PRICKLE3: variants seen among roughly 807,000 people sequenced by gnomAD.
PRICKLE3 encodes prickle planar cell polarity protein 3.
A neutral mutation model predicts 33.8 loss-of-function variants in PRICKLE3; 17 were observed. The observed-to-expected ratio is 0.50, with a 90% confidence interval of 0.34 to 0.75. The LOEUF is 0.75. Among genes scored for constraint, PRICKLE3 ranks in the 30% least tolerant of loss-of-function variants. The pLI, the probability that PRICKLE3 is intolerant of heterozygous loss-of-function variation, is 0.01. For missense variants in PRICKLE3, 573 were observed against 576.7 expected (o/e 0.99, Z 0.07); for synonymous variants, 211 against 219.6 (o/e 0.96, Z 0.34).
At position 49,179,578 on chromosome X, in the gene PRICKLE3, C is replaced by T. The variant is rs781805669; in HGVS notation, c.426+115G>A. ...AAGGAATGTCCCCTGATGACCCCTG[C>T]CTGTCTGGACCACTCACCTCAGATC... On this transcript the variant is annotated intron_variant, in intron 4 of 8. Coordinates refer to ENST00000599218, the MANE Select transcript of PRICKLE3 (RefSeq NM_006150.5). 19 of 854,892 alleles carry T rather than the reference C, an allele frequency of 2.2e-5. No homozygotes were observed. In the South Asian group the frequency reaches 2.4e-4, roughly 11 times the overall value. The allele number at this position is 854,892 out of a possible 1,213,427, so 70.5% of individuals were successfully genotyped here. A position where few individuals can be genotyped will look rare whatever the true frequency, so the allele number is the denominator to read the frequency against.
intron 3 of PRICKLE3, among the ~76,000 whole-genome samples, chrX:49,180,097 C>T (rs1351696949): frequency 1.1e-5 from 1 of 93,600 alleles, no homozygotes; most frequent in Non-Finnish European, 2.1e-5. Context: ...TGGAGTGGCG[C>T]GATCTAGGCT....
chrX:49,183,942 A>G (rs1557101536), intron 2 of PRICKLE3, 25 bp from the exon 3 acceptor site: 3 of 1,193,679 alleles, frequency 2.5e-6, no homozygotes, highest in Admixed American at 2.2e-5. Flanking sequence ...ATGGGGGTCA[A>G]TTACTAAGGA....
chrX:49,184,742 G>A, intron 1 of PRICKLE3, 32 bp from the exon 2 acceptor site: 5 of 1,161,927 alleles, frequency 4.3e-6, no homozygotes, highest in Non-Finnish European at 5.8e-6. Context: ...GCAGGGCCGG[G>A]TGAGGCGCGG....
intron 1 of PRICKLE3, among the ~76,000 whole-genome samples, chrX:49,186,038 T>G (rs1203968297): frequency 9.1e-6 from 1 of 109,301 alleles, no homozygotes; most frequent in Non-Finnish European, 1.9e-5. Context: ...GGAGTGCTGA[T>G]GAAAGTGTGT....
At position 49,178,391 on chromosome X, in the gene PRICKLE3, C is replaced by A; in HGVS notation, c.649G>T (p.Val217Leu). 8.3e-7 allele frequency: 1 copy of A among 1,211,690 alleles called. No individual in the cohort carries two copies. ...AGCAGTTCCTGGCACGTGGTACACA[C>A]GAAGCACTGTGGGTGCCAGCAGGCA... ...LGACWHPQCF[V>L]CTTCQELLVD... The change falls in exon 6 of 9, where the codon GTG becomes TTG. Residue 217 changes from valine to leucine, a missense_variant. Coordinates refer to ENST00000599218, the MANE Select transcript of PRICKLE3 (RefSeq NM_006150.5).
intron 3 of PRICKLE3, among the ~76,000 whole-genome samples, chrX:49,181,855 G>C (rs1446636756): frequency 1.9e-5 from 2 of 106,570 alleles, no homozygotes; most frequent in African/African-American, 6.8e-5. Context: ...CTCCATGTTG[G>C]TCAGGCTGGT....
intron 2 of PRICKLE3, 59 bp from the exon 3 acceptor site, chrX:49,183,976 A>G: frequency 8.7e-7 from 1 of 1,153,353 alleles, no homozygotes; most frequent in South Asian, 2.0e-5. Flanking sequence ...ACCCCTCGGC[A>G]GCCCAGGTCC....
rs782635454 is a variant in PRICKLE3, at chrX:49,179,360, T to C, written c.455A>G (p.Glu152Gly). The change falls in exon 5 of 9, where the codon GAG (glutamate) becomes GGG (glycine). Residue 152 changes from glutamate (E) to glycine (G), a missense_variant. Transcript: ENST00000599218. The part of the protein sequence containing the change: ...EAQYCTALEE[E>G]EKKELRAFSQ... ...AAAGGCTCGGAGCTCTTTCTTTTCCTCCTCTTCCAGTGCTGTGCAGTACTG... is the reference window on the plus strand; with the variant it reads ...AAAGGCTCGGAGCTCTTTCTTTTCCCCCTCTTCCAGTGCTGTGCAGTACTG... The C allele has an allele frequency of 1.7e-6, 2 of 1,211,148 alleles. No individual in the cohort carries two copies. The highest frequency in any genetic ancestry group is 3.5e-5 in the South Asian group (2 of 56,843).
At chrX:49,184,774 C>T (rs2065475151) in intron 1 of PRICKLE3, 64 bp from the exon 2 acceptor site, 3 of 1,159,901 alleles carry the variant, frequency 2.6e-6, no homozygotes, top group East Asian at 3.3e-5. Context: ...GAGAAGTCAA[C>T]GCCCGCCCCT....
intron 1 of PRICKLE3, among the ~76,000 whole-genome samples, chrX:49,185,556 AG>A (rs1389389912): frequency 2.7e-5 from 3 of 110,995 alleles, no homozygotes; most frequent in Non-Finnish European, 5.7e-5. Context: ...CCAGGAGTGT[AG>A]GACTCCATCC....
intron 3 of PRICKLE3, among the ~76,000 whole-genome samples, chrX:49,182,910 G>T (rs200790790): frequency 9.6e-6 from 1 of 103,839 alleles, no homozygotes; most frequent in East Asian, 3.1e-4. Flanking sequence ...TGCAACCTCC[G>T]CTTCCTGGGT....
intron 5 of PRICKLE3, among the ~76,000 whole-genome samples, chrX:49,178,993 G>C (rs955580986): frequency 8.9e-6 from 1 of 111,829 alleles, no homozygotes; most frequent in Admixed American, 9.4e-5. Flanking sequence ...AACACACTAA[G>C]GCCTCCTTAC....
In PRICKLE3 at chrX:49,177,176, C is replaced by G; in HGVS notation, c.982G>C (p.Glu328Gln). ...TCTGAGGCATGCCAGTGCTGGCCCTCGTAAGCCATCTGGCCTTGGTCCAGG... is the reference window on the plus strand; with the variant it reads ...TCTGAGGCATGCCAGTGCTGGCCCTGGTAAGCCATCTGGCCTTGGTCCAGG... ...IGLDQGQMAY[E>Q]GQHWHASDRC... Residue 328 changes from glutamate (E) to glutamine (Q), a missense_variant, in exon 8 of 9, where the codon GAG becomes CAG. Transcript: ENST00000599218. The G allele has an allele frequency of 8.4e-7, 1 of 1,183,919 alleles. No individual in the cohort carries two copies. The highest frequency in any genetic ancestry group is 1.1e-6 in the Non-Finnish European group (1 of 885,175).
chrX:49,181,398 A>G (rs1173236317), intron 3 of PRICKLE3, among the ~76,000 whole-genome samples: 7 of 94,892 alleles, frequency 7.4e-5, no homozygotes, highest in East Asian at 6.3e-4. Context: ...GTATATATAT[A>G]TATATATATA....
Position 49,178,443 on chromosome X carries a change from T to C in PRICKLE3, c.597A>G (p.Ala199=). ...CCAGGCCTGCACGGCTGGCAAACACTGCGATGTCCCCACCTCCAATCTGCT... is the reference window on the plus strand; with the variant it reads ...CCAGGCCTGCACGGCTGGCAAACACCGCGATGTCCCCACCTCCAATCTGCT... ...CGKQIGGGDI[A]VFASRAGLGA... is the part of the protein sequence containing the mutation. The change falls in exon 6 of 9, where the codon GCA becomes GCG. Residue 199 remains alanine, a synonymous_variant. Transcript: ENST00000599218. 8.3e-7 allele frequency: 1 copy of C among 1,210,729 alleles called. No individual in the cohort carries two copies. The highest frequency in any genetic ancestry group is 1.1e-6 in the Non-Finnish European group (1 of 894,367).
chrX:49,184,538 A>G (rs2065473201), intron 2 of PRICKLE3, 87 bp downstream of exon 2: 1 of 868,938 alleles, frequency 1.2e-6, no homozygotes, highest in East Asian at 3.8e-5. Context: ...GCGGAGCTCA[A>G]GCGTAGGGGC....
Position 49,177,048 on chromosome X carries a change from G to A in PRICKLE3, c.1110C>T (p.Ser370=), listed in dbSNP as rs782469839. The change falls in exon 8 of 9, where the codon TCC becomes TCT. Residue 370 remains serine (S), a synonymous_variant. Coordinates refer to ENST00000599218, the MANE Select transcript of PRICKLE3 (RefSeq NM_006150.5). ...IFCSRACSLG[S]EPTAPGPSRR... ...GGCTCGGCCCTGGAGCTGTGGGCTC[G>A]GACCCAAGGCTGCAGGCTCGAGAGC... 10 of 1,207,417 alleles carry A rather than the reference G, an allele frequency of 8.3e-6. No homozygotes were observed. Among genetic ancestry groups the A allele is most frequent in the Middle Eastern group, 2.3e-4 (1 of 4,321 alleles).
intron 7 of PRICKLE3, among the ~76,000 whole-genome samples, 173 bp downstream of exon 7, chrX:49,177,820 G>A (rs2065427554): frequency 8.9e-6 from 1 of 111,940 alleles, no homozygotes; most frequent in Non-Finnish European, 1.9e-5. Context: ...GCATAGTGGG[G>A]ACATTGGGAG....
intron 5 of PRICKLE3, 26 bp downstream of exon 5, chrX:49,179,225 A>T: frequency 8.3e-7 from 1 of 1,204,586 alleles, no homozygotes; most frequent in African/African-American, 1.7e-5. Context: ...GGCACTGCTC[A>T]CTCGCTGAGG....
Sources: gnomAD v4.1 joint callset for allele counts (sites outside exome capture counted in the v4.1 genomes callset) on GRCh38, gnomAD v4.1.1 for gene constraint, MANE v1.5 for transcripts, NCBI Gene and HGNC (gene_info 2026-07-23, HGNC 2026-07-21) for gene names.